CLK1: variants seen among roughly 807,000 people sequenced by gnomAD.
CLK1 encodes CDC like kinase 1, also known as dual specificity protein kinase CLK1.
A neutral mutation model predicts 60.9 loss-of-function variants in CLK1; 40 were observed. That is an observed-to-expected ratio of 0.66 (90% CI 0.51 to 0.86). The LOEUF (loss-of-function observed/expected upper bound fraction) is 0.86, where lower values mean the gene tolerates loss of function less well. CLK1 is among the 40% of genes least tolerant of loss of function. The pLI is 0.00. For missense variants in CLK1, 563 were observed against 606.1 expected (o/e 0.93, Z 0.75); for synonymous variants, 203 against 184.4 (o/e 1.10, Z -0.82).
chr2:200,855,144 A>C, intron 9 of CLK1, 58 bp from the exon 10 acceptor site: 1 of 1,347,804 alleles, frequency 7.4e-7, no homozygotes, highest in East Asian at 2.3e-5. Flanking sequence ...TAAAGAAATT[A>C]AAAAGTTAGT....
chr2:200,854,798 C>A, intron 10 of CLK1, 103 bp from the exon 11 acceptor site: 1 of 894,520 alleles, frequency 1.1e-6, no homozygotes, highest in South Asian at 1.5e-5. Context: ...AGAACAAACT[C>A]GCCAATGATT....
chr2:200,853,362 TA>T lies in CLK1; in HGVS notation c.1398del (p.Thr467LeufsTer6), dbSNP rs1312259356. The T allele has an allele frequency of 6.2e-7, 1 of 1,613,400 alleles. No individual in the cohort carries two copies. On this transcript the variant is annotated frameshift_variant, in exon 13 of 13. Transcript: ENST00000321356. LOFTEE classifies it high-confidence loss of function. ...GGATGCTTTAAGGCTTCTCTGAGAG[TA>T]ATTCTTTTGGCTGGATCATACTCCA... ...KMLEYDPAKR[I>X]TLREALKHPF... is the part of the protein sequence containing the mutation.
chr2:200,854,310 C>G (rs545652240), intron 11 of CLK1, among the ~76,000 whole-genome samples: 30 of 151,874 alleles, frequency 2.0e-4, no homozygotes. Flanking sequence ...CCGAGGTGGG[C>G]GGATCACAAG....
chr2:200,856,907 G>A lies in CLK1; in HGVS notation c.911C>T (p.Ala304Val), dbSNP rs758189196. Residue 304 changes from alanine to valine, a missense_variant, in exon 8 of 13, where the codon GCG becomes GTG. Physicochemically the swap from Ala to Val is moderately conservative, Grantham distance 64. This residue lies in a region of CLK1 where 360 missense variants were observed against 407.0 expected (regional missense o/e 0.88). Transcript: ENST00000321356. The stretch of plus-strand genomic sequence containing the variant: ...AAGACTTACTATTTTGGGATTATAC[G>A]CCTCTGTGTAGTCAGACTGCACAAA... ...ILFVQSDYTE[A>V]YNPKIKRDER... 9 of 1,613,816 alleles carry A rather than the reference G, an allele frequency of 5.6e-6. No individual in the cohort carries two copies. Among genetic ancestry groups the A allele is most frequent in the Admixed American group, 1.7e-5 (1 of 60,006 alleles).
chr2:200,853,838 CG>C (rs2038992446), intron 12 of CLK1, 64 bp downstream of exon 12: 1 of 1,274,856 alleles, frequency 7.8e-7, no homozygotes, highest in African/African-American at 1.5e-5. Flanking sequence ...AAGCAAGGCT[CG>C]GTCTCAAAAG....
chr2:200,864,182 C>A (rs1408535804), intron 1 of CLK1: 16 of 1,550,924 alleles, frequency 1.0e-5, no homozygotes, highest in Non-Finnish European at 1.3e-5. Context: ...GGGAGCCTCG[C>A]CTTTCCGGCC....
At chr2:200,854,749 G>T in intron 10 of CLK1, 54 bp from the exon 11 acceptor site, 1 of 1,290,684 alleles carries the variant, frequency 7.7e-7, no homozygotes, top group Non-Finnish European at 1.1e-6. Flanking sequence ...AACAGACACA[G>T]TTAAAGCTGA....
intron 3 of CLK1, chr2:200,860,803 G>C: frequency 9.7e-7 from 1 of 1,027,154 alleles, no homozygotes; most frequent in South Asian, 3.7e-5. Context: ...GGTTTGCTTA[G>C]TGAAAGAAGG....
At chr2:200,854,328 G>A (rs1268470671) in intron 11 of CLK1, among the ~76,000 whole-genome samples, 2 of 152,100 alleles carry the variant, frequency 1.3e-5, no homozygotes, top group Non-Finnish European at 1.5e-5. Flanking sequence ...AAGGTCAGGA[G>A]ATCGAGACCA....
intron 3 of CLK1, chr2:200,860,950 T>C (rs2039127246): frequency 8.6e-7 from 1 of 1,167,440 alleles, no homozygotes; most frequent in African/African-American, 1.6e-5. Context: ...AAAAAACCCT[T>C]TTAGAATATT....
intron 9 of CLK1, among the ~76,000 whole-genome samples, chr2:200,855,566 G>A (rs561108881): frequency 1.4e-4 from 22 of 152,012 alleles, no homozygotes; most frequent in Non-Finnish European, 2.2e-4. Context: ...CGGAGCTTGC[G>A]GTGAGCCGAG....
rs761442576 is a variant in CLK1, at chr2:200,853,266, G to A, written c.*40C>T. The A allele has an allele frequency of 2.0e-6, 3 of 1,494,242 alleles. No individual in the cohort carries two copies. The highest frequency in any genetic ancestry group is 2.2e-5 in the Admixed American group (1 of 46,458). The allele number at this position is 1,494,242 out of a possible 1,614,324, so 92.6% of individuals were successfully genotyped here. On this transcript the variant is annotated 3_prime_UTR_variant, in exon 13 of 13. Transcript: ENST00000321356. Reference sequence around the variant, plus strand: ...AAAATTTAAAAATTAGACTGATACAGTCTGTAAGATCTCTTCGAGAGAGCT... The same window carrying A: ...AAAATTTAAAAATTAGACTGATACAATCTGTAAGATCTCTTCGAGAGAGCT...
chr2:200,859,990 C>T (rs1054361025), intron 4 of CLK1, 135 bp downstream of exon 4: 4 of 1,440,226 alleles, frequency 2.8e-6, no homozygotes, highest in Non-Finnish European at 3.6e-6. Context: ...ACAATCCCCC[C>T]CACCAAAAGA....
In CLK1 at chr2:200,854,994, T is replaced by C. The variant is rs776077029; in HGVS notation, c.1140+10A>G. On this transcript the variant is annotated intron_variant, in intron 10 of 12. Transcript: ENST00000321356. ...GCAAAGCAAGGTTGAAATAGATCAT[T>C]GTCACTTACTGGAAATACGGTAAAC... is the stretch of plus-strand genomic sequence containing the variant. The C allele has an allele frequency of 5.0e-6, 8 of 1,596,202 alleles. No individual in the cohort carries two copies. Among genetic ancestry groups the C allele is most frequent in the South Asian group, 1.1e-5 (1 of 87,734 alleles).
At chr2:200,856,640 A>G (rs776362818) in intron 9 of CLK1, 42 bp downstream of exon 9, 2 of 1,521,468 alleles carry the variant, frequency 1.3e-6, no homozygotes, top group African/African-American at 2.8e-5. Context: ...TTAAGTCTCA[A>G]TAAGGAAATA....
rs34449560 is a variant in CLK1, at chr2:200,853,679, GAAAAAAAAAAAAA to G, written c.1311+211_1311+223del. The stretch of plus-strand genomic sequence containing the variant: ...AACATAGTAAAACTTGTCTTTACTT[GAAAAAAAAAAAAA>G]AAAAAAAAAAAAAGCGTGGTGGCAT... On this transcript the variant is annotated intron_variant, in intron 12 of 12. Coordinates refer to ENST00000321356, the MANE Select transcript of CLK1 (RefSeq NM_004071.4). Among the ~76,000 whole-genome samples the G allele has an allele frequency of 3.1e-4, 15 of 49,118 alleles. No individual in the cohort carries two copies. The South Asian group carries it at 9.2e-3, about 30-fold the overall frequency. 32.2% of individuals were successfully genotyped at this position (49,118 alleles called of 152,430 possible).
chr2:200,863,556 C>A (rs1380347987), intron 1 of CLK1, among the ~76,000 whole-genome samples: 4 of 150,260 alleles, frequency 2.7e-5, no homozygotes, highest in Non-Finnish European at 5.9e-5. Context: ...GAGACCTTGT[C>A]TCAAAAAAGA....
intron 1 of CLK1, among the ~76,000 whole-genome samples, chr2:200,862,347 GATTT>G (rs2039152978): frequency 6.6e-6 from 1 of 152,148 alleles, no homozygotes; most frequent in Admixed American, 6.6e-5. Flanking sequence ...CCACCATTGT[GATTT>G]ATTTCTGCCC....
chr2:200,861,667 T>C (rs17467658), intron 2 of CLK1, 35 bp downstream of exon 2: 23,466 of 1,607,784 alleles, frequency 0.015, 219 homozygotes, highest in Non-Finnish European at 0.016. Flanking sequence ...TAGTAATGTA[T>C]TGTTATATTC....
Sources: allele counts gnomAD v4.1 joint callset (sites outside exome capture counted in the v4.1 genomes callset), GRCh38; gene constraint gnomAD v4.1.1; regional missense constraint gnomAD v4.1.1; transcripts MANE v1.5; gene names NCBI Gene and HGNC (gene_info 2026-07-23, HGNC 2026-07-21).